Variants in SHANK2 observed in about 807,000 individuals in gnomAD.
SHANK2 encodes SH3 and multiple ankyrin repeat domains protein 2.
SHANK2 carries 43 observed loss-of-function variants against 133.7 expected under a neutral mutation model. That is an observed-to-expected ratio of 0.32 (90% CI 0.25 to 0.41). The LOEUF is 0.41. Among genes scored for constraint, SHANK2 ranks in the 10% least tolerant of loss-of-function variants. The pLI is 1.00. For synonymous variants in SHANK2, 1,017 were observed against 952.8 expected (o/e 1.07, Z -1.24); for missense variants, 1,994 against 2,235.8 (o/e 0.89, Z 2.18).
intron 11 of SHANK2, among the ~76,000 whole-genome samples, chr11:70,884,201 C>T (rs781940227): frequency 6.6e-6 from 1 of 152,116 alleles, no homozygotes; most frequent in Middle Eastern, 3.2e-3. Flanking sequence ...AGAGAGGGCT[C>T]GGGGCTGTGA....
intron 11 of SHANK2, among the ~76,000 whole-genome samples, chr11:70,837,975 C>CAAAAAAAAAA (rs55862093): frequency 1.4e-3 from 36 of 25,180 alleles, no homozygotes; most frequent in South Asian, 2.1e-3. Context: ...CATTCTGTCT[C>CAAAAAAAAAA]AAAAAAAAAA....
At chr11:70,594,772 A>G (rs4980620) in intron 17 of SHANK2, among the ~76,000 whole-genome samples, 79,514 of 151,902 alleles carry the variant, frequency 0.52, 21,252 homozygotes, top group African/African-American at 0.63. Flanking sequence ...GCTAATGGGC[A>G]TTCGTTGCCC....
chr11:70,857,501 T>C (rs1422807683), intron 11 of SHANK2, among the ~76,000 whole-genome samples: 1 of 152,114 alleles, frequency 6.6e-6, no homozygotes, highest in Non-Finnish European at 1.5e-5. Flanking sequence ...TTGGATATCC[T>C]ATTTCCTTTT....
At chr11:70,548,217 C>T (rs546622611) in intron 17 of SHANK2, among the ~76,000 whole-genome samples, 22 of 152,358 alleles carry the variant, frequency 1.4e-4, no homozygotes, top group African/African-American at 5.0e-4. Context: ...CCCCACTCAG[C>T]GGCCCGCTGC....
chr11:71,100,115 C>T (rs1236959537), intron 6 of SHANK2, among the ~76,000 whole-genome samples: 1 of 151,564 alleles, frequency 6.6e-6, no homozygotes, highest in Non-Finnish European at 1.5e-5. Context: ...ACTGACAACA[C>T]CAAATGCTGG....
At chr11:70,544,173 A>G (rs2136044529) in intron 17 of SHANK2, among the ~76,000 whole-genome samples, 1 of 152,242 alleles carries the variant, frequency 6.6e-6, no homozygotes, top group African/African-American at 2.4e-5. Context: ...TGGGGATGAC[A>G]GGCCCAGTTC....
chr11:70,477,911 T>C (rs2058684158), intron 25 of SHANK2, among the ~76,000 whole-genome samples: 1 of 152,212 alleles, frequency 6.6e-6, no homozygotes, highest in Non-Finnish European at 1.5e-5. Context: ...AAGCAACCGC[T>C]GGGTTCCCAG....
intron 14 of SHANK2, among the ~76,000 whole-genome samples, chr11:70,736,302 G>A (rs1297407919): frequency 6.6e-6 from 1 of 152,144 alleles, no homozygotes; most frequent in Non-Finnish European, 1.5e-5. Flanking sequence ...CGGGGTGAGT[G>A]CTGGTCCCCA....
chr11:71,090,451 G>C (rs1385168357), intron 8 of SHANK2, among the ~76,000 whole-genome samples: 8 of 77,230 alleles, frequency 1.0e-4, no homozygotes, highest in East Asian at 3.5e-4. Context: ...ACGTGTGTGT[G>C]TGTGTGTGTG....
At chr11:70,762,353 G>A (rs1410621238) in intron 14 of SHANK2, among the ~76,000 whole-genome samples, 1 of 152,188 alleles carries the variant, frequency 6.6e-6, no homozygotes, top group Admixed American at 6.5e-5. Context: ...GTACTGTCAG[G>A]CTGTCGGTTA....
At chr11:70,802,155 G>A (rs1555050693) in intron 13 of SHANK2, among the ~76,000 whole-genome samples, 1 of 152,158 alleles carries the variant, frequency 6.6e-6, no homozygotes, top group African/African-American at 2.4e-5. Context: ...AACCTGGCTA[G>A]AAAGAAGGTT....
At chr11:71,151,981 G>A (rs1952807383) in intron 2 of SHANK2, among the ~76,000 whole-genome samples, 1 of 152,174 alleles carries the variant, frequency 6.6e-6, no homozygotes, top group South Asian at 2.1e-4. Context: ...AATCAGCCAG[G>A]CAGCAGCATT....
At chr11:70,488,703 C>G (rs2135744082) in intron 24 of SHANK2, among the ~76,000 whole-genome samples, 1 of 152,362 alleles carries the variant, frequency 6.6e-6, no homozygotes, top group African/African-American at 2.4e-5. Context: ...CTGCCAAGAC[C>G]CTTTGGAGCA....
chr11:70,887,849 C>T (rs543961962), intron 11 of SHANK2, among the ~76,000 whole-genome samples: 1 of 152,200 alleles, frequency 6.6e-6, no homozygotes, highest in East Asian at 1.9e-4. Context: ...GTGACCCAAC[C>T]CCATAGAGGC....
chr11:71,178,432 G>C (rs1399025537), intron 2 of SHANK2, among the ~76,000 whole-genome samples: 1 of 152,146 alleles, frequency 6.6e-6, no homozygotes, highest in Non-Finnish European at 1.5e-5. Flanking sequence ...GAAAGAGACG[G>C]GAGAGGAACT....
At chr11:71,165,116 C>A (rs1953114849) in intron 2 of SHANK2, among the ~76,000 whole-genome samples, 1 of 151,904 alleles carries the variant, frequency 6.6e-6, no homozygotes, top group Non-Finnish European at 1.5e-5. Context: ...TCATTGCAAC[C>A]TCCACCTCCC....
chr11:71,062,870 G>A (rs1590876701), intron 9 of SHANK2, among the ~76,000 whole-genome samples: 1 of 151,684 alleles, frequency 6.6e-6, no homozygotes, highest in African/African-American at 2.4e-5. Flanking sequence ...GGTGGTGCGT[G>A]CCTGTAGTCC....
intron 2 of SHANK2, among the ~76,000 whole-genome samples, chr11:71,214,171 TCCCCTGTGGCCCCAGGGCTCATGC>T (rs1342853083): frequency 6.6e-6 from 1 of 152,126 alleles, no homozygotes; most frequent in Non-Finnish European, 1.5e-5. Flanking sequence ...CCCTGGGGCT[TCCCCTGTGGCCCCAGGGCTCATGC>T]CCCCTGCTCT....
intron 8 of SHANK2, among the ~76,000 whole-genome samples, chr11:71,086,149 ATATAATATATTAAATTATATAATATAT>A (rs1951406961): frequency 7.8e-5 from 1 of 12,836 alleles, no homozygotes; most frequent in African/African-American, 1.7e-4. Flanking sequence ...ATATTATGTT[ATATAATATATTAAATTATATAATATAT>A]TATGTTATAT....
Sources: allele counts gnomAD v4.1 joint callset (sites outside exome capture counted in the v4.1 genomes callset), GRCh38; gene constraint gnomAD v4.1.1; transcripts MANE v1.5; gene names NCBI Gene and HGNC (gene_info 2026-07-23, HGNC 2026-07-21).